Variants in NAV3 observed in about 807,000 individuals in gnomAD.
NAV3 encodes the protein pore membrane and/or filament interacting like protein 1.
In NAV3, 87 loss-of-function variants were observed where a neutral mutation model predicts 244.7. The ratio of observed to expected loss-of-function variants is 0.36; its 90% CI spans 0.30 to 0.42. The LOEUF (loss-of-function observed/expected upper bound fraction) is 0.42. Among genes scored for constraint, NAV3 ranks in the 20% least tolerant of loss-of-function variants. The probability of loss-of-function intolerance (pLI) is 1.00; values close to 1 mark genes in which losing one functional copy is unlikely to be tolerated. For synonymous variants in NAV3, 1,126 were observed against 1,042.2 expected, an observed-to-expected ratio of 1.08 and a Z score of -1.55; for missense variants, 2,663 against 2,893.3, an observed-to-expected ratio of 0.92 and a Z score of 1.83.
intron 3 of NAV3, among the ~76,000 whole-genome samples, chr12:77,941,512 C>A (rs1253176120): frequency 1.3e-5 from 2 of 152,134 alleles, no homozygotes; most frequent in African/African-American, 4.8e-5. Flanking sequence ...ATAGTATTTT[C>A]TTTGTTCATA....
intron 1 of NAV3, among the ~76,000 whole-genome samples, chr12:77,888,505 AT>A (rs1427851861): frequency 5.3e-5 from 8 of 152,074 alleles, no homozygotes; most frequent in African/African-American, 1.9e-4. Context: ...TAATTAAATA[AT>A]TTCTGCAGTG....
At position 77,670,430 on chromosome 12, in the gene NAV3, A is replaced by G. The variant is rs182225653; in HGVS notation, c.72+98164A>G. Among the ~76,000 whole-genome samples the G allele has an allele frequency of 2.6e-5, 4 of 152,188 alleles. No homozygotes were observed. The East Asian group carries it at 7.7e-4, about 29-fold the overall frequency. ...AAGATAAAGTGGGAATCCTCCCTAC[A>G]TCATTTTATGAAGCCAGTATCACTC... On this transcript the variant is annotated intron_variant, in intron 2 of 8. Coordinates refer to the NAV3 transcript ENST00000550042.
chr12:78,084,600 C>G (rs1413433216), intron 12 of NAV3, among the ~76,000 whole-genome samples: 1 of 152,072 alleles, frequency 6.6e-6, no homozygotes, highest in Non-Finnish European at 1.5e-5. Flanking sequence ...CTCTCTTTCT[C>G]TCTCTCTCTG....
At chr12:77,827,042 C>G (rs972034550), upstream of NAV3, among the ~76,000 whole-genome samples, 2 of 151,926 alleles carry the variant, frequency 1.3e-5, no homozygotes, top group Non-Finnish European at 2.9e-5. Context: ...GCCAACATGG[C>G]GAAACCCTGG....
intron 2 of NAV3, among the ~76,000 whole-genome samples, chr12:77,579,708 C>A (rs1869260459): frequency 2.6e-5 from 4 of 152,156 alleles, no homozygotes; most frequent in Non-Finnish European, 5.9e-5. Context: ...CCACTGCCTC[C>A]TAATACAACA....
intron 2 of NAV3, among the ~76,000 whole-genome samples, chr12:77,798,735 C>T (rs1293343066): frequency 1.3e-5 from 2 of 152,086 alleles, no homozygotes; most frequent in Non-Finnish European, 2.9e-5. Flanking sequence ...GTTCTTGAGG[C>T]CAAAATTCAC....
intron 22 of NAV3, 139 bp downstream of exon 22, chr12:78,149,058 C>A (rs750837410): frequency 1.8e-4 from 122 of 688,572 alleles, no homozygotes; most frequent in Middle Eastern, 4.1e-4. Context: ...AAAAAGTTAA[C>A]ATTTTTTGCC....
At chr12:77,766,147 C>T (rs1438824222) in intron 2 of NAV3, among the ~76,000 whole-genome samples, 1 of 152,084 alleles carries the variant, frequency 6.6e-6, no homozygotes, top group Non-Finnish European at 1.5e-5. Context: ...TTTTTCCCCT[C>T]CCAGCTAATA....
At chr12:77,735,349 A>G (rs565665681) in intron 2 of NAV3, among the ~76,000 whole-genome samples, 3 of 152,276 alleles carry the variant, frequency 2.0e-5, no homozygotes, top group East Asian at 3.9e-4. Flanking sequence ...GAATTGCAAT[A>G]CAAATGGCTA....
chr12:77,908,121 T>A (rs4142919), intron 1 of NAV3, among the ~76,000 whole-genome samples: 57,516 of 151,942 alleles, frequency 0.38, 11,499 homozygotes, highest in East Asian at 0.46. Flanking sequence ...TAAAACATAA[T>A]GAGCTGTTGT....
intron 1 of NAV3, among the ~76,000 whole-genome samples, chr12:77,888,349 T>C (rs1022790893): frequency 2.0e-5 from 3 of 152,090 alleles, no homozygotes; most frequent in Admixed American, 6.6e-5. Context: ...TAGTAGCATG[T>C]GACTATAGTC....
At chr12:77,942,355 C>T (rs142323173) in intron 3 of NAV3, among the ~76,000 whole-genome samples, 5 of 151,060 alleles carry the variant, frequency 3.3e-5, no homozygotes, top group African/African-American at 9.7e-5. Context: ...CTGGGCAATA[C>T]GAGCAAAACT....
At position 78,116,847 on chromosome 12, in the gene NAV3, C is replaced by A. The variant is rs778688479; in HGVS notation, c.2712C>A (p.Thr904=). The A allele has an allele frequency of 5.6e-6, 9 of 1,613,446 alleles. No homozygotes were observed. Among genetic ancestry groups the A allele is most frequent in the Admixed American group, 5.0e-5 (3 of 59,998 alleles). Residue 904 remains threonine, a synonymous_variant, in exon 13 of 40, where the codon ACC becomes ACA. Coordinates refer to ENST00000397909, the MANE Select transcript of NAV3 (RefSeq NM_001024383.2). ...LDNISTDDLN[T]TSSVSSYSNI... is the part of the protein sequence containing the mutation. ...ACATCAGCACTGATGACCTGAACAC[C>A]ACATCCTCTGTCAGCTCTTACTCCA...
At chr12:77,757,203 T>A (rs535568769) in intron 2 of NAV3, among the ~76,000 whole-genome samples, 1 of 152,190 alleles carries the variant, frequency 6.6e-6, no homozygotes, top group East Asian at 1.9e-4. Flanking sequence ...TGCACATCGG[T>A]TCTTACACCT....
chr12:77,656,298 G>T (rs1317213117), intron 2 of NAV3, among the ~76,000 whole-genome samples: 1 of 132,120 alleles, frequency 7.6e-6, no homozygotes, highest in Non-Finnish European at 1.5e-5. Context: ...AAAAGGCAGG[G>T]GTTGCAATCC....
At chr12:77,601,532 A>T (rs1183127386) in intron 2 of NAV3, among the ~76,000 whole-genome samples, 1 of 152,000 alleles carries the variant, frequency 6.6e-6, no homozygotes, top group Non-Finnish European at 1.5e-5. Flanking sequence ...AAAGGCTGAG[A>T]TCATTTCAGA....
intron 1 of NAV3, among the ~76,000 whole-genome samples, chr12:77,919,310 T>C (rs1887476693): frequency 6.6e-6 from 1 of 152,056 alleles, no homozygotes; most frequent in Admixed American, 6.6e-5. Context: ...ATTTCCACAT[T>C]AGTCCCACCA....
At chr12:78,180,637 C>T (rs1377381754) in intron 29 of NAV3, among the ~76,000 whole-genome samples, 4 of 151,828 alleles carry the variant, frequency 2.6e-5, no homozygotes, top group Non-Finnish European at 5.9e-5. Context: ...ATAAGCATGT[C>T]GAATGGTTGG....
chr12:77,608,640 T>C (rs1017549846), intron 2 of NAV3, among the ~76,000 whole-genome samples: 4 of 152,084 alleles, frequency 2.6e-5, no homozygotes, highest in African/African-American at 9.7e-5. Flanking sequence ...GCCTAATTTG[T>C]CCAAGCTGGT....
Sources: allele counts gnomAD v4.1 joint callset (sites outside exome capture counted in the v4.1 genomes callset), GRCh38; gene constraint gnomAD v4.1.1; transcripts MANE v1.5; gene names NCBI Gene and HGNC (gene_info 2026-07-23, HGNC 2026-07-21).